Variants in EXPH5 observed in about 807,000 individuals in gnomAD.
EXPH5 encodes the protein exophilin 5.
In EXPH5, 42 loss-of-function variants were observed where a neutral mutation model predicts 41.1. The observed-to-expected ratio is 1.02, with a 90% CI of 0.80 to 1.32. The LOEUF (loss-of-function observed/expected upper bound fraction) is 1.32. Ranked by LOEUF, EXPH5 falls within the 40% of genes most tolerant of loss-of-function variation. The pLI is 0.00. For missense variants in EXPH5, 2,298 were observed against 2,314.5 expected, an observed-to-expected ratio of 0.99 and a Z score of 0.15; for synonymous variants, 798 against 833.5, an observed-to-expected ratio of 0.96 and a Z score of 0.73.
At chr11:108,605,667 G>C in the EXPH5 span, among the ~76,000 whole-genome samples, 1 of 152,224 alleles carries the variant, frequency 6.6e-6, no homozygotes, top group African/African-American at 2.4e-5. Flanking sequence ...CCTAGGTTGT[G>C]GGATACACTC....
chr11:108,595,543 A>G (rs974876336), upstream of EXPH5, among the ~76,000 whole-genome samples: 2 of 152,216 alleles, frequency 1.3e-5, no homozygotes, highest in Non-Finnish European at 2.9e-5. Flanking sequence ...GAAGCTAGAA[A>G]ACACTGGAGC....
intron 1 of EXPH5, among the ~76,000 whole-genome samples, chr11:108,593,194 G>A (rs1006629294): frequency 1.4e-5 from 2 of 141,604 alleles, no homozygotes; most frequent in African/African-American, 5.0e-5. Flanking sequence ...ACCCGCAGCC[G>A]AGCCCGTCTG....
chr11:108,583,521 C>A (rs2136117485), intron 1 of EXPH5, among the ~76,000 whole-genome samples: 1 of 150,976 alleles, frequency 6.6e-6, no homozygotes, highest in Admixed American at 6.6e-5. Flanking sequence ...GAAATAGAAC[C>A]AGATAAAAGT....
At position 108,591,277 on chromosome 11, in the gene EXPH5, T is replaced by A. The variant is rs1028833378; in HGVS notation, c.119+2141A>T. On this transcript the variant is annotated intron_variant, in intron 1 of 5. Transcript: ENST00000265843. Reference sequence around the variant, plus strand: ...GATTTGGAAAATATGATCACACATATCAAGAAAATGAGCAGAAGAGGCAGC... The same window carrying A: ...GATTTGGAAAATATGATCACACATAACAAGAAAATGAGCAGAAGAGGCAGC... Among the ~76,000 whole-genome samples, 17 of 152,196 alleles carry A rather than the reference T, an allele frequency of 1.1e-4. 1 individual carries two copies. Among genetic ancestry groups the A allele is most frequent in the African/African-American group, 2.9e-4 (12 of 41,448 alleles).
chr11:108,544,527 C>T lies in EXPH5; in HGVS notation c.120-2715G>A, dbSNP rs183420710. Among the ~76,000 whole-genome samples the T allele has an allele frequency of 2.5e-3, 386 of 152,332 alleles. 2 individuals are homozygous for T. Among genetic ancestry groups the T allele is most frequent in the Middle Eastern group, 6.8e-3 (2 of 294 alleles). On this transcript the variant is annotated intron_variant, in intron 1 of 5. Transcript: ENST00000265843. Reference sequence around the variant, plus strand: ...AATCGTACCTCAAGCTTTCCTTCCACGGTTGTGTACATATCCACCACTGCC... The same window carrying T: ...AATCGTACCTCAAGCTTTCCTTCCATGGTTGTGTACATATCCACCACTGCC...
intron 4 of EXPH5, among the ~76,000 whole-genome samples, chr11:108,522,775 C>T (rs940886301): frequency 6.6e-6 from 1 of 152,122 alleles, no homozygotes; most frequent in African/African-American, 2.4e-5. Context: ...AATAATGCTC[C>T]GTGCTTTGGA....
At chr11:108,601,250 A>C in the EXPH5 span, among the ~76,000 whole-genome samples, 2 of 152,248 alleles carry the variant, frequency 1.3e-5, no homozygotes, top group African/African-American at 4.8e-5. Context: ...TGTATGTTTT[A>C]ATACCCGTAG....
chr11:108,538,323 A>G, intron 3 of EXPH5: 2 of 864,766 alleles, frequency 2.3e-6, no homozygotes, highest in South Asian at 5.3e-5. Flanking sequence ...AATATTTAGC[A>G]GTCAGCTCAA....
chr11:108,541,094 G>T (rs540023042), intron 2 of EXPH5, among the ~76,000 whole-genome samples: 1 of 152,046 alleles, frequency 6.6e-6, no homozygotes, highest in East Asian at 1.9e-4. Flanking sequence ...CTGTAGAGAT[G>T]AGGTTTCGCC....
chr11:108,536,914 T>G (rs2136017263), intron 3 of EXPH5, among the ~76,000 whole-genome samples: 1 of 152,292 alleles, frequency 6.6e-6, no homozygotes, highest in East Asian at 1.9e-4. Context: ...GAACACTGAG[T>G]GTGACAGTCA....
At chr11:108,536,748 G>T (rs2093882622) in intron 3 of EXPH5, among the ~76,000 whole-genome samples, 1 of 152,188 alleles carries the variant, frequency 6.6e-6, no homozygotes, top group African/African-American at 2.4e-5. Context: ...CTATTATCCA[G>T]TGCATTTCTC....
At position 108,564,903 on chromosome 11, in the gene EXPH5, C is replaced by CTTTTTT. The variant is rs34384478; in HGVS notation, c.120-23097_120-23092dup. Reference sequence around the variant, plus strand: ...TATTATGTTTATTGGATATGTGTAGCTTTTTTTTTTTTTTTTTTAAGATGG... The same window carrying CTTTTTT: ...TATTATGTTTATTGGATATGTGTAGCTTTTTTTTTTTTTTTTTTTTTTTTAAGATGG... On this transcript the variant is annotated intron_variant, in intron 1 of 5. Coordinates refer to ENST00000265843, the MANE Select transcript of EXPH5 (RefSeq NM_015065.3). Among the ~76,000 whole-genome samples, 2 of 118,402 alleles carry CTTTTTT rather than the reference C, an allele frequency of 1.7e-5. 1 individual carries two copies. The allele number at this position is 118,402 out of a possible 152,430, so 77.7% of individuals were successfully genotyped here.
At chr11:108,571,285 A>G (rs965886580) in intron 1 of EXPH5, among the ~76,000 whole-genome samples, 1 of 152,176 alleles carries the variant, frequency 6.6e-6, no homozygotes. Context: ...CCAGTTACCT[A>G]CTGTGGAGCC....
chr11:108,594,208 A>G (rs2094135314), upstream of EXPH5, among the ~76,000 whole-genome samples: 1 of 152,178 alleles, frequency 6.6e-6, no homozygotes, highest in African/African-American at 2.4e-5. Context: ...GAAGGGCGGA[A>G]ATTAGTGTAT....
chr11:108,604,250 G>T, the EXPH5 span, among the ~76,000 whole-genome samples: 1 of 120,404 alleles, frequency 8.3e-6, no homozygotes, highest in Non-Finnish European at 1.8e-5. Context: ...AAAAAAATTA[G>T]CTGGGCATGG....
chr11:108,549,581 G>A (rs2093954242), intron 1 of EXPH5, among the ~76,000 whole-genome samples: 1 of 152,122 alleles, frequency 6.6e-6, no homozygotes, highest in Non-Finnish European at 1.5e-5. Flanking sequence ...CATTTAGAAC[G>A]TGCTCAGTAA....
upstream of EXPH5, among the ~76,000 whole-genome samples, chr11:108,595,560 A>G (rs1321865729): frequency 6.6e-6 from 1 of 152,226 alleles, no homozygotes; most frequent in Non-Finnish European, 1.5e-5. Context: ...GAGCATGTTC[A>G]TGGATTGTTA....
In EXPH5 at chr11:108,510,067, T is replaced by C; in HGVS notation, c.5440A>G (p.Lys1814Glu). Residue 1814 changes from lysine (K) to glutamate (E), a missense_variant, in exon 6 of 6, where the codon AAA becomes GAA. Lys to Glu is a moderately conservative substitution (Grantham distance 56, BLOSUM62 1). Coordinates refer to ENST00000265843, the MANE Select transcript of EXPH5 (RefSeq NM_015065.3). ...TCAGAAAAATGGCGCTCCCTGACTT[T>C]TGGAGGATGGCTTTTTCGTAGTAGA... ...GDLLRKSHPP[K>E]VRERHFSEST... 1 of 1,612,108 alleles carries C rather than the reference T, an allele frequency of 6.2e-7. No homozygotes were observed. Among genetic ancestry groups the C allele is most frequent in the African/African-American group, 1.3e-5 (1 of 74,874 alleles).
At chr11:108,579,478 T>C (rs1018433493) in intron 1 of EXPH5, among the ~76,000 whole-genome samples, 1 of 151,944 alleles carries the variant, frequency 6.6e-6, no homozygotes, top group African/African-American at 2.4e-5. Flanking sequence ...CTTTCCTCAC[T>C]GTGTCTTTGT....
Sources: gnomAD v4.1 joint callset for allele counts (sites outside exome capture counted in the v4.1 genomes callset) on GRCh38, gnomAD v4.1.1 for gene constraint, MANE v1.5 for transcripts, NCBI Gene and HGNC (gene_info 2026-07-23, HGNC 2026-07-21) for gene names.